DHRS1: variants seen among roughly 807,000 people sequenced by gnomAD.
The protein encoded by DHRS1 is dehydrogenase/reductase 1.
DHRS1 carries 34 observed loss-of-function variants against 35.2 expected under a neutral mutation model. That is an observed-to-expected ratio of 0.97 (90% CI 0.74 to 1.29). The LOEUF (loss-of-function observed/expected upper bound fraction) is 1.29. Among genes scored for constraint, DHRS1 ranks in the 50% most tolerant of loss-of-function variants. DHRS1 has a pLI of 0.00. For synonymous variants in DHRS1, 133 were observed against 160.0 expected (o/e 0.83, Z 1.27); for missense variants, 354 against 403.6 (o/e 0.88, Z 1.05).
chr14:24,297,770 C>T (rs141597088), intron 2 of DHRS1, among the ~76,000 whole-genome samples: 75 of 152,306 alleles, frequency 4.9e-4, no homozygotes, highest in African/African-American at 1.8e-3. Context: ...TTTCACACAG[C>T]GTCCCTATGC....
At chr14:24,291,378 G>A (rs1385425932) in intron 7 of DHRS1, 159 bp from the exon 8 acceptor site, 1 of 1,045,816 alleles carries the variant, frequency 9.6e-7, no homozygotes, top group African/African-American at 1.6e-5. Context: ...CTTCCCAGGA[G>A]CCTGCTCCTA....
At position 24,296,818 on chromosome 14, in the gene DHRS1, G is replaced by A. The variant is rs747329375; in HGVS notation, c.214C>T (p.Arg72Ter). ...CGATCCACTTGCTCAAACAGGCTTC[G>A]CACTTCACTCTCCTGGCTTGAATCG... ...VCDSSQESEV[R>*]SLFEQVDREQ... Residue 72 changes from arginine (R) to a stop codon, truncating the protein, a stop_gained, in exon 3 of 9, where the codon CGA (arginine) becomes TGA (stop). Coordinates refer to ENST00000288111, the MANE Select transcript of DHRS1 (RefSeq NM_001136050.3). LOFTEE classifies it high-confidence loss of function. The A allele has an allele frequency of 1.8e-5, 29 of 1,614,078 alleles. No homozygotes were observed. Among genetic ancestry groups the A allele is most frequent in the East Asian group, 4.5e-5 (2 of 44,900 alleles).
intron 4 of DHRS1, chr14:24,293,656 A>AG (rs1483038444): frequency 2.0e-5 from 3 of 152,000 alleles, no homozygotes; most frequent in South Asian, 2.1e-4. Flanking sequence ...CTTGTGGGTG[A>AG]GGGGGATTGC....
intron 4 of DHRS1, among the ~76,000 whole-genome samples, chr14:24,295,660 T>C (rs987541434): frequency 2.6e-5 from 4 of 152,220 alleles, no homozygotes; most frequent in African/African-American, 9.7e-5. Flanking sequence ...GCTATGGTCA[T>C]GAACACTGGC....
At chr14:24,298,281 G>C (rs1233671465) in intron 2 of DHRS1, among the ~76,000 whole-genome samples, 1 of 152,172 alleles carries the variant, frequency 6.6e-6, no homozygotes, top group Non-Finnish European at 1.5e-5. Context: ...CCAACTGCTG[G>C]CCTCAAGTGA....
At chr14:24,299,254 G>A (rs1178070613) in intron 1 of DHRS1, 124 bp from the exon 2 acceptor site, 9 of 920,502 alleles carry the variant, frequency 9.8e-6, no homozygotes, top group East Asian at 8.1e-5. Context: ...AATCCTTTGA[G>A]GGGAGAGGAG....
intron 2 of DHRS1, among the ~76,000 whole-genome samples, chr14:24,297,421 C>T (rs1187962991): frequency 1.3e-5 from 2 of 152,196 alleles, no homozygotes; most frequent in African/African-American, 4.8e-5. Flanking sequence ...GCCCACAAAC[C>T]TCCAACTTCA....
chr14:24,295,805 C>T (rs1271318660), intron 4 of DHRS1, among the ~76,000 whole-genome samples: 1 of 152,140 alleles, frequency 6.6e-6, no homozygotes. Context: ...ACCAGAGTAC[C>T]AAAATTGGAG....
At chr14:24,291,448 G>T in intron 7 of DHRS1, 108 bp downstream of exon 7, 5 of 1,279,430 alleles carry the variant, frequency 3.9e-6, no homozygotes, top group Non-Finnish European at 5.7e-6. Context: ...GCAGAGAAAA[G>T]AATGACATGT....
At chr14:24,291,937 C>A in intron 6 of DHRS1, 1 of 609,582 alleles carries the variant, frequency 1.6e-6, no homozygotes, top group Non-Finnish European at 2.9e-6. Flanking sequence ...TGGAGCTAGA[C>A]AGCCTTTCCA....
intron 4 of DHRS1, 87 bp downstream of exon 4, chr14:24,296,422 A>T: frequency 7.7e-7 from 1 of 1,302,982 alleles, no homozygotes; most frequent in Non-Finnish European, 1.1e-6. Context: ...GGCCGGAGGG[A>T]AAAGGAGAGG....
intron 2 of DHRS1, among the ~76,000 whole-genome samples, chr14:24,297,339 G>T (rs1338979759): frequency 1.3e-5 from 2 of 152,082 alleles, no homozygotes; most frequent in African/African-American, 4.8e-5. Context: ...GCTCCTGGTT[G>T]GTAATTGAAA....
chr14:24,297,366 C>G (rs950680755), intron 2 of DHRS1, among the ~76,000 whole-genome samples: 1 of 152,188 alleles, frequency 6.6e-6, no homozygotes, highest in African/African-American at 2.4e-5. Flanking sequence ...AAGCTATCAG[C>G]CATGAATGAT....
intron 5 of DHRS1, 55 bp downstream of exon 5, chr14:24,292,597 A>G: frequency 1.2e-6 from 2 of 1,613,728 alleles, no homozygotes; most frequent in Middle Eastern, 1.7e-4. Flanking sequence ...CTCCTGAGCT[A>G]TAGGTAACAT....
rs534567155 is a variant in DHRS1 at position 24,296,166 on chromosome 14, T to C, written c.374+343A>G. ...TTCTCCCAGTCTAAAATAAAACAATTTCTCCCTCTAACCATTTTGAAAGTA... is the reference window on the plus strand; with the variant it reads ...TTCTCCCAGTCTAAAATAAAACAATCTCTCCCTCTAACCATTTTGAAAGTA... On this transcript the variant is annotated intron_variant, in intron 4 of 8. Transcript: ENST00000288111. Among the ~76,000 whole-genome samples the C allele has an allele frequency of 2.0e-5, 3 of 152,262 alleles. No homozygotes were observed. In the South Asian group the frequency reaches 6.2e-4, roughly 32 times the overall value.
intron 1 of DHRS1, 183 bp downstream of exon 1, chr14:24,299,398 T>A (rs1022946875): frequency 3.2e-6 from 1 of 309,990 alleles, no homozygotes; most frequent in Non-Finnish European, 6.0e-6. Context: ...TGTGGCTGCC[T>A]GGATATGGGA....
rs375012309 is a variant in DHRS1 at position 24,291,206 on chromosome 14, C to T, written c.738G>A (p.Leu246=). The T allele has an allele frequency of 5.0e-6, 8 of 1,614,042 alleles. No individual in the cohort carries two copies. The highest frequency in any genetic ancestry group is 6.8e-6 in the Non-Finnish European group (8 of 1,180,040). Residue 246 remains leucine, a synonymous_variant, in exon 8 of 9, where the codon CTG becomes CTA. Coordinates refer to ENST00000288111, the MANE Select transcript of DHRS1 (RefSeq NM_001136050.3). The part of the protein sequence containing the change: ...VVALATDPNI[L]SLSGKVLPSC... ...ATGGCAGCACCTTACCACTCAGGCTCAGGATATTGGGATCTGCGGGCACAC... is the reference window on the plus strand; with the variant it reads ...ATGGCAGCACCTTACCACTCAGGCTTAGGATATTGGGATCTGCGGGCACAC...
At chr14:24,296,640 G>T in intron 3 of DHRS1, 52 bp from the exon 4 acceptor site, 1 of 1,613,658 alleles carries the variant, frequency 6.2e-7, no homozygotes, top group Non-Finnish European at 8.5e-7. Context: ...GAGGTGTGAG[G>T]GGCTGGGTAA....
chr14:24,292,142 G>T, intron 6 of DHRS1, 42 bp downstream of exon 6: 1 of 1,612,076 alleles, frequency 6.2e-7, no homozygotes, highest in Non-Finnish European at 8.5e-7. Flanking sequence ...TGCAGAGGCC[G>T]ACTCCCCTGT....
Sources: gnomAD v4.1 joint callset for allele counts (sites outside exome capture counted in the v4.1 genomes callset) on GRCh38, gnomAD v4.1.1 for gene constraint, MANE v1.5 for transcripts, NCBI Gene and HGNC (gene_info 2026-07-23, HGNC 2026-07-21) for gene names.